PCDHA2: variants seen among roughly 807,000 people sequenced by gnomAD.
PCDHA2 encodes protocadherin alpha-2.
PCDHA2 carries 58 observed loss-of-function variants against 66.0 expected under a neutral mutation model. That is an observed-to-expected ratio of 0.88 (90% CI 0.71 to 1.09). The LOEUF (loss-of-function observed/expected upper bound fraction) is 1.09. Among genes scored for constraint, PCDHA2 ranks in the 50% least tolerant of loss-of-function variants. The pLI is 0.00. For missense variants in PCDHA2, 1,267 were observed against 1,242.3 expected, an observed-to-expected ratio of 1.02 and a Z score of -0.30; for synonymous variants, 634 against 554.0, an observed-to-expected ratio of 1.14 and a Z score of -2.03.
At chr5:140,895,437 C>A (rs1250254286) in intron 1 of PCDHA2, among the ~76,000 whole-genome samples, 3 of 152,172 alleles carry the variant, frequency 2.0e-5, no homozygotes, top group Non-Finnish European at 2.9e-5. Context: ...TCCTGAGACT[C>A]TTTTCATGTG....
chr5:140,873,098 T>C (rs1281569389), intron 1 of PCDHA2, among the ~76,000 whole-genome samples: 1 of 152,200 alleles, frequency 6.6e-6, no homozygotes, highest in Non-Finnish European at 1.5e-5. Flanking sequence ...TATAGAGGCA[T>C]AACATACCAT....
intron 2 of PCDHA2, among the ~76,000 whole-genome samples, chr5:140,982,032 C>G (rs1554243678): frequency 1.3e-5 from 2 of 152,162 alleles, no homozygotes; most frequent in Non-Finnish European, 2.9e-5. Flanking sequence ...GAACAATACT[C>G]CAATTATCAG....
chr5:140,871,193 T>G (rs782048235), intron 1 of PCDHA2: 2 of 1,613,630 alleles, frequency 1.2e-6, no homozygotes, highest in African/African-American at 1.3e-5. Flanking sequence ...GATGTCAACG[T>G]GTACCTGATC....
At chr5:140,821,580 C>A in intron 1 of PCDHA2, 1 of 612,866 alleles carries the variant, frequency 1.6e-6, no homozygotes, top group Non-Finnish European at 2.6e-6. Context: ...GAAGGTTTTT[C>A]TCCCTTCCCA....
intron 1 of PCDHA2, chr5:140,823,515 G>A: frequency 6.2e-7 from 1 of 1,613,500 alleles, no homozygotes; most frequent in Non-Finnish European, 8.5e-7. Context: ...GCGAGCTGGT[G>A]CCGAGGTCAG....
chr5:140,928,146 A>G, intron 1 of PCDHA2: 1 of 1,614,222 alleles, frequency 6.2e-7, no homozygotes, highest in African/African-American at 1.3e-5. Flanking sequence ...TCACGGCCTC[A>G]GATAGTGGCT....
intron 1 of PCDHA2, among the ~76,000 whole-genome samples, chr5:140,915,392 A>AT (rs1554196880): frequency 6.6e-6 from 1 of 152,072 alleles, no homozygotes; most frequent in African/African-American, 2.4e-5. Context: ...AGAGCTAGGT[A>AT]TTTCTTATAG....
chr5:140,814,657 C>T (rs2126657567), intron 1 of PCDHA2: 3 of 151,744 alleles, frequency 2.0e-5, no homozygotes, highest in Non-Finnish European at 1.5e-5. Flanking sequence ...CCAACATCAC[C>T]ACAAACATGT....
chr5:140,798,494 A>G (rs1043207373), intron 1 of PCDHA2, among the ~76,000 whole-genome samples: 3 of 152,210 alleles, frequency 2.0e-5, no homozygotes, highest in Non-Finnish European at 4.4e-5. Context: ...GAGACTACCC[A>G]GTCTTTATGT....
At chr5:140,883,384 CAG>C (rs1554177987) in intron 1 of PCDHA2, 2 of 1,614,072 alleles carry the variant, frequency 1.2e-6, no homozygotes, top group African/African-American at 2.7e-5. Context: ...TTGCCCTAAT[CAG>C]TGTGTCCGAT....
intron 1 of PCDHA2, chr5:140,930,529 C>T (rs1175564392): frequency 6.6e-6 from 1 of 152,500 alleles, no homozygotes; most frequent in African/African-American, 2.4e-5. Flanking sequence ...GGCCCTCAAA[C>T]TTCTTGAGTG....
At chr5:140,871,033 C>G (rs201299652) in intron 1 of PCDHA2, 336 of 1,613,234 alleles carry the variant, frequency 2.1e-4, no homozygotes, top group Non-Finnish European at 2.7e-4. Flanking sequence ...CTCGCCGCGC[C>G]ACCGACTTCT....
At chr5:140,917,127 C>T (rs1286418907) in intron 1 of PCDHA2, among the ~76,000 whole-genome samples, 1 of 152,072 alleles carries the variant, frequency 6.6e-6, no homozygotes, top group African/African-American at 2.4e-5. Context: ...CGCAGACTCC[C>T]CACGTTGCTC....
At chr5:140,809,166 C>T (rs1275758806) in intron 1 of PCDHA2, 1 of 1,613,942 alleles carries the variant, frequency 6.2e-7, no homozygotes, top group Non-Finnish European at 8.5e-7. Context: ...CCCGCGCTGA[C>T]GGCCACGGCC....
At chr5:140,873,310 G>A (rs2054217209) in intron 1 of PCDHA2, among the ~76,000 whole-genome samples, 1 of 152,176 alleles carries the variant, frequency 6.6e-6, no homozygotes, top group Admixed American at 6.6e-5. Context: ...TAATAAAGGT[G>A]AATATTAGAT....
chr5:140,956,774 C>A (rs1232431991), intron 1 of PCDHA2, among the ~76,000 whole-genome samples: 2 of 152,070 alleles, frequency 1.3e-5, no homozygotes, highest in Non-Finnish European at 2.9e-5. Flanking sequence ...TCTGTCTGGT[C>A]CTGGGCTTTG....
At chr5:140,974,165 G>A (rs1298109600) in intron 1 of PCDHA2, among the ~76,000 whole-genome samples, 1 of 152,164 alleles carries the variant, frequency 6.6e-6, no homozygotes, top group Admixed American at 6.5e-5. Flanking sequence ...TTTCTTTCAA[G>A]AATTTTAACT....
In PCDHA2 at chr5:140,968,153, A is replaced by G; in HGVS notation, c.2389-10796A>G. 2 of 1,614,142 alleles carry G rather than the reference A, an allele frequency of 1.2e-6. No individual in the cohort carries two copies. The highest frequency in any genetic ancestry group is 8.5e-7 in the Non-Finnish European group (1 of 1,180,046). On this transcript the variant is annotated intron_variant, in intron 1 of 3. Coordinates refer to ENST00000526136, the MANE Select transcript of PCDHA2 (RefSeq NM_018905.3). ...ACTGAAGGTTGAGATCTCTGACATC[A>G]ATGACAATCCACCAAGCTTCCTGGA...
intron 2 of PCDHA2, 123 bp from the exon 3 acceptor site, chr5:140,982,352 G>A (rs1554244046): frequency 4.0e-6 from 6 of 1,507,640 alleles, no homozygotes; most frequent in Non-Finnish European, 5.3e-6. Context: ...TTCAGTTCAA[G>A]CATGAGCAGA....
Sources: gnomAD v4.1 joint callset for allele counts (sites outside exome capture counted in the v4.1 genomes callset) on GRCh38, gnomAD v4.1.1 for gene constraint, MANE v1.5 for transcripts, NCBI Gene and HGNC (gene_info 2026-07-23, HGNC 2026-07-21) for gene names.